The following GINS2 variants were observed in gnomAD, a reference collection of about 807,000 sequenced individuals.
The protein encoded by GINS2 is GINS complex subunit 2, also known as DNA replication complex GINS protein PSF2.
Under a neutral mutation model 21.2 loss-of-function variants are expected in GINS2, and 23 were observed. That is an observed-to-expected ratio of 1.08 (90% CI 0.78 to 1.53). The LOEUF (loss-of-function observed/expected upper bound fraction) is 1.53, where lower values mean the gene tolerates loss of function less well. Among genes scored for constraint, GINS2 ranks in the 40% most tolerant of loss-of-function variants. The pLI is 0.00. For synonymous variants in GINS2, 118 were observed against 85.6 expected (o/e 1.38, Z -2.09); for missense variants, 323 against 233.9 (o/e 1.38, Z -2.49).
At position 85,678,648 on chromosome 16, in the gene GINS2, C is replaced by G. The variant is rs541558749; in HGVS notation, c.324G>C (p.Pro108=). 1.2e-6 allele frequency: 2 copies of G among 1,613,752 alleles called. No individual in the cohort carries two copies. The highest frequency in any genetic ancestry group is 3.3e-5 in the Admixed American group (2 of 60,010). ...LLLNHASDNI[P]KADEIRTLVK... Reference sequence around the variant, plus strand: ...CCAGGGTCCGGATTTCGTCTGCCTTCGGGATGTTGTCTGAAGCACTAAAGG... The same window carrying G: ...CCAGGGTCCGGATTTCGTCTGCCTTGGGGATGTTGTCTGAAGCACTAAAGG... Residue 108 remains proline (P), a synonymous_variant, in exon 4 of 5, where the codon CCG becomes CCC. Coordinates refer to ENST00000253462, the MANE Select transcript of GINS2 (RefSeq NM_016095.3).
chr16:85,678,201 C>G lies in GINS2; in HGVS notation c.*11G>C, dbSNP rs2053700140. ...ACATCCCCCAGCAAGCCGCCTGCAC[C>G]AGGCCTTTCTCTAGAAGTCCTGAGA... On this transcript the variant is annotated 3_prime_UTR_variant, in exon 5 of 5. Transcript: ENST00000253462. 4 of 1,612,300 alleles carry G rather than the reference C, an allele frequency of 2.5e-6. No homozygotes were observed. The highest frequency in any genetic ancestry group is 3.4e-6 in the Non-Finnish European group (4 of 1,179,664).
chr16:85,680,835 A>C (rs902046231), intron 3 of GINS2, among the ~76,000 whole-genome samples: 2 of 152,170 alleles, frequency 1.3e-5, no homozygotes, highest in Non-Finnish European at 2.9e-5. Context: ...AGCCCTCCAG[A>C]AGCAGAGAAA....
At chr16:85,687,845 C>CA (rs1463763966) in intron 1 of GINS2, 1 of 309,694 alleles carries the variant, frequency 3.2e-6, no homozygotes, top group Non-Finnish European at 5.9e-6. Context: ...CTCCCGCCTG[C>CA]ACCCTCCAAC....
Position 85,687,420 on chromosome 16 carries a change from G to A in GINS2, c.205+40C>T, listed in dbSNP as rs58878255. 3.2e-6 allele frequency: 4 copies of A among 1,253,398 alleles called. No individual in the cohort carries two copies. In the African/African-American group the frequency reaches 4.6e-5, roughly 14 times the overall value. 77.6% of individuals were successfully genotyped at this position (1,253,398 alleles called of 1,614,324 possible). A position where few individuals can be genotyped will look rare whatever the true frequency, so the allele number is the denominator to read the frequency against. On this transcript the variant is annotated intron_variant, in intron 2 of 4. Coordinates refer to ENST00000253462, the MANE Select transcript of GINS2 (RefSeq NM_016095.3). ...GGGAGAGGGCGTCACCCCAAGCCCA[G>A]CCCCACCCACGCATCAACCAGTCTC...
Position 85,688,791 on chromosome 16 carries a change from G to A in GINS2, c.90+18C>T. ...GCCCAGCCCGGCCTCCCCTCCCCACGGCGGGCCCAGGCCTCACCCCGATGA... is the reference window on the plus strand; with the variant it reads ...GCCCAGCCCGGCCTCCCCTCCCCACAGCGGGCCCAGGCCTCACCCCGATGA... On this transcript the variant is annotated intron_variant, in intron 1 of 4. Coordinates refer to ENST00000253462, the MANE Select transcript of GINS2 (RefSeq NM_016095.3). 2 of 1,469,308 alleles carry A rather than the reference G, an allele frequency of 1.4e-6. No homozygotes were observed. Among genetic ancestry groups the A allele is most frequent in the Non-Finnish European group, 1.8e-6 (2 of 1,093,982 alleles). 91.0% of individuals were successfully genotyped at this position (1,469,308 alleles called of 1,614,324 possible). A position where few individuals can be genotyped will look rare whatever the true frequency, so the allele number is the denominator to read the frequency against.
intron 2 of GINS2, among the ~76,000 whole-genome samples, chr16:85,686,749 G>C (rs1032666608): frequency 1.3e-5 from 2 of 152,154 alleles, no homozygotes; most frequent in African/African-American, 4.8e-5. Flanking sequence ...CCACGCAGTA[G>C]CATGTATCAG....
chr16:85,687,444 T>C lies in GINS2; in HGVS notation c.205+16A>G, dbSNP rs777999113. 23 of 1,443,618 alleles carry C rather than the reference T, an allele frequency of 1.6e-5. No homozygotes were observed. The highest frequency in any genetic ancestry group is 2.0e-5 in the Non-Finnish European group (21 of 1,073,130). 89.4% of individuals were successfully genotyped at this position (1,443,618 alleles called of 1,614,324 possible). A position where few individuals can be genotyped will look rare whatever the true frequency, so the allele number is the denominator to read the frequency against. ...AGCCCCACCCACGCATCAACCAGTCTCCACCACATCCTTACCTACATCCAT... is the reference window on the plus strand; with the variant it reads ...AGCCCCACCCACGCATCAACCAGTCCCCACCACATCCTTACCTACATCCAT... On this transcript the variant is annotated intron_variant, in intron 2 of 4. Transcript: ENST00000253462.
At chr16:85,682,789 T>A (rs1030616802) in intron 2 of GINS2, among the ~76,000 whole-genome samples, 1 of 152,144 alleles carries the variant, frequency 6.6e-6, no homozygotes, top group Admixed American at 6.5e-5. Flanking sequence ...GAGCAGACTG[T>A]GTACTATAGC....
chr16:85,680,151 C>T (rs549603646), intron 3 of GINS2, among the ~76,000 whole-genome samples: 2 of 152,328 alleles, frequency 1.3e-5, no homozygotes, highest in South Asian at 4.1e-4. Flanking sequence ...CTCTCCCGCA[C>T]CACACCAGGA....
intron 2 of GINS2, among the ~76,000 whole-genome samples, chr16:85,685,679 A>AAAAAAAAAAAAAAAAAAAAAAAAC (rs1567792804): frequency 1.4e-5 from 2 of 144,154 alleles, no homozygotes; most frequent in African/African-American, 5.5e-5. Context: ...TCAAAAAAAA[A>AAAAAAAAAAAAAAAAAAAAAAAAC]AAAAAAAAAA....
In GINS2 at chr16:85,687,553, G is replaced by C; in HGVS notation, c.112C>G (p.Pro38Ala). 1.3e-6 allele frequency: 2 copies of C among 1,571,424 alleles called. No individual in the cohort carries two copies. The highest frequency in any genetic ancestry group is 1.2e-5 in the South Asian group (1 of 84,178). ...LIGGDLGPFN[P>A]GLPVEVPLWL... The stretch of plus-strand genomic sequence containing the variant: ...AGGGGCACTTCCACGGGTAAACCAG[G>C]GTTAAAAGGCCCCAGGTCCCCCTGC... Residue 38 changes from proline to alanine, a missense_variant, in exon 2 of 5, where the codon CCT becomes GCT. By Grantham distance (27) the Pro-to-Ala change is conservative (BLOSUM62 -1). Coordinates refer to ENST00000253462, the MANE Select transcript of GINS2 (RefSeq NM_016095.3).
Position 85,678,102 on chromosome 16 carries a change from C to T in GINS2, c.*110G>A. The T allele has an allele frequency of 1.1e-6, 1 of 924,266 alleles. No individual in the cohort carries two copies. The highest frequency in any genetic ancestry group is 1.7e-6 in the Non-Finnish European group (1 of 595,584). 57.3% of individuals were successfully genotyped at this position (924,266 alleles called of 1,614,324 possible). The stretch of plus-strand genomic sequence containing the variant: ...ATCCTGAATCCATTCCTTGCACCAT[C>T]ACACATTTTTCATGCATCAGAAGTG... On this transcript the variant is annotated 3_prime_UTR_variant, in exon 5 of 5. Coordinates refer to ENST00000253462, the MANE Select transcript of GINS2 (RefSeq NM_016095.3).
intron 1 of GINS2, among the ~76,000 whole-genome samples, chr16:85,688,203 C>T (rs13332432): frequency 2.6e-5 from 4 of 151,852 alleles, no homozygotes; most frequent in Admixed American, 6.6e-5. Context: ...GGGAGGCCGA[C>T]GTGGGAGGAT....
chr16:85,688,193 G>A (rs919282558), intron 1 of GINS2, among the ~76,000 whole-genome samples: 6 of 152,192 alleles, frequency 3.9e-5, no homozygotes, highest in Non-Finnish European at 7.3e-5. Context: ...CCAGCCCTTT[G>A]GGAGGCCGAC....
intron 3 of GINS2, among the ~76,000 whole-genome samples, chr16:85,681,081 G>A (rs769765716): frequency 6.6e-6 from 1 of 152,252 alleles, no homozygotes; most frequent in Non-Finnish European, 1.5e-5. Flanking sequence ...GATTTTGCCA[G>A]GAAGTGGGCT....
At position 85,677,576 on chromosome 16, in the gene GINS2, T is replaced by C. The variant is rs1262106931; in HGVS notation, c.*636A>G. Reference sequence around the variant, plus strand: ...TGTTGGTCTGCAGTTTCCACTTAACTGCCGTGTGCCTCAGTTTCGTTGACT... The same window carrying C: ...TGTTGGTCTGCAGTTTCCACTTAACCGCCGTGTGCCTCAGTTTCGTTGACT... On this transcript the variant is annotated 3_prime_UTR_variant, in exon 5 of 5. Transcript: ENST00000253462. 1 of 152,270 alleles carries C rather than the reference T, an allele frequency of 6.6e-6. No individual in the cohort carries two copies. The highest frequency in any genetic ancestry group is 1.5e-5 in the Non-Finnish European group (1 of 68,078). The allele number at this position is 152,270 out of a possible 1,614,324, so 9.4% of individuals were successfully genotyped here.
intron 3 of GINS2, among the ~76,000 whole-genome samples, chr16:85,678,999 A>G (rs1203171481): frequency 6.6e-6 from 1 of 152,136 alleles, no homozygotes; most frequent in South Asian, 2.1e-4. Flanking sequence ...ACCTCCATCT[A>G]CAAGGAATCA....
rs1019710567 is a variant in GINS2 at position 85,677,235 on chromosome 16, G to T, written c.*977C>A. 1.3e-5 allele frequency: 2 copies of T among 152,104 alleles called. No homozygotes were observed. Among genetic ancestry groups the T allele is most frequent in the African/African-American group, 4.8e-5 (2 of 41,388 alleles). The allele number at this position is 152,104 out of a possible 1,614,324, so 9.4% of individuals were successfully genotyped here. On this transcript the variant is annotated 3_prime_UTR_variant, in exon 5 of 5. Transcript: ENST00000253462. Reference sequence around the variant, plus strand: ...ACCTTCTATCCATTGCATGATGCTGGACGATCATTTCACCTCTCAAGGTAA... The same window carrying T: ...ACCTTCTATCCATTGCATGATGCTGTACGATCATTTCACCTCTCAAGGTAA...
intron 1 of GINS2, 61 bp from the exon 2 acceptor site, chr16:85,687,635 C>T (rs1598764106): frequency 3.2e-6 from 3 of 933,730 alleles, no homozygotes; most frequent in South Asian, 1.8e-5. Context: ...CATTACTGTG[C>T]GTTACTGCTA....
Sources: allele counts gnomAD v4.1 joint callset (sites outside exome capture counted in the v4.1 genomes callset), GRCh38; gene constraint gnomAD v4.1.1; transcripts MANE v1.5; gene names NCBI Gene and HGNC (gene_info 2026-07-23, HGNC 2026-07-21).